Variants in DGKB observed in about 807,000 individuals in gnomAD.
DGKB encodes 90 kDa diacylglycerol kinase.
In DGKB, 67 loss-of-function variants were observed where a neutral mutation model predicts 114.3. That is an observed-to-expected ratio of 0.59 (90% CI 0.48 to 0.72). DGKB has a LOEUF of 0.72. Among genes scored for constraint, DGKB ranks in the 30% least tolerant of loss-of-function variants. The pLI is 0.00. For missense variants in DGKB, 907 were observed against 975.2 expected (o/e 0.93, Z 0.93); for synonymous variants, 398 against 323.1 (o/e 1.23, Z -2.49).
chr7:14,332,691 C>T (rs1809942979), intron 23 of DGKB, among the ~76,000 whole-genome samples: 1 of 152,064 alleles, frequency 6.6e-6, no homozygotes, highest in Non-Finnish European at 1.5e-5. Flanking sequence ...AAATATAAAA[C>T]CATTAAACTT....
intron 1 of DGKB, among the ~76,000 whole-genome samples, chr7:14,941,421 GAT>G (rs1272520772): frequency 6.6e-6 from 1 of 151,986 alleles, no homozygotes; most frequent in Non-Finnish European, 1.5e-5. Context: ...ATAGGAAGAA[GAT>G]ATGTTTTTCA....
chr7:14,478,332 A>G, intron 20 of DGKB, 107 bp from the exon 21 acceptor site: 1 of 682,398 alleles, frequency 1.5e-6, no homozygotes, highest in Non-Finnish European at 2.3e-6. Flanking sequence ...ACTTTTATTT[A>G]CAATATTATT....
At chr7:14,220,057 T>C (rs1050389610) in intron 23 of DGKB, among the ~76,000 whole-genome samples, 24 of 151,756 alleles carry the variant, frequency 1.6e-4, no homozygotes, top group African/African-American at 5.5e-4. Flanking sequence ...ATAGATGATA[T>C]AGTCTACTAC....
At chr7:14,346,883 C>A (rs1812565180) in intron 21 of DGKB, among the ~76,000 whole-genome samples, 1 of 151,900 alleles carries the variant, frequency 6.6e-6, no homozygotes, top group African/African-American at 2.4e-5. Context: ...TGAAGACATT[C>A]TTAATGAATA....
intron 23 of DGKB, among the ~76,000 whole-genome samples, chr7:14,217,544 G>T (rs1018330137): frequency 6.6e-6 from 1 of 151,736 alleles, no homozygotes; most frequent in African/African-American, 2.4e-5. Flanking sequence ...TTTGAAATGA[G>T]TAATTATACC....
chr7:14,156,444 G>A (rs144840037), intron 25 of DGKB, among the ~76,000 whole-genome samples: 6 of 152,050 alleles, frequency 3.9e-5, no homozygotes, highest in Admixed American at 2.6e-4. Context: ...GGCAGTTTTG[G>A]GCTATATGTA....
At chr7:14,480,687 A>G (rs1782853444) in intron 20 of DGKB, among the ~76,000 whole-genome samples, 1 of 152,164 alleles carries the variant, frequency 6.6e-6, no homozygotes, top group Non-Finnish European at 1.5e-5. Flanking sequence ...CCTAGAAGGC[A>G]CAAACTCTGA....
At chr7:14,532,756 C>T (rs1791809050) in intron 20 of DGKB, among the ~76,000 whole-genome samples, 1 of 151,548 alleles carries the variant, frequency 6.6e-6, no homozygotes, top group South Asian at 2.1e-4. Flanking sequence ...GACATGGAGT[C>T]CTAAACATTA....
At chr7:14,839,146 T>C (rs917383369) in intron 2 of DGKB, among the ~76,000 whole-genome samples, 14 of 152,074 alleles carry the variant, frequency 9.2e-5, no homozygotes, top group African/African-American at 3.4e-4. Context: ...CTTTAAACTA[T>C]AAATTCCTTG....
In DGKB at chr7:14,665,145, T is replaced by C. The variant is rs369078723; in HGVS notation, c.1134+7784A>G. ...AATTTATCAATATAAAATATTGATA[T>C]TGATATGAAAAAAAGGCTAGGTAAT... On this transcript the variant is annotated intron_variant, in intron 13 of 25. Coordinates refer to ENST00000402815, the MANE Select transcript of DGKB (RefSeq NM_001350709.2). Among the ~76,000 whole-genome samples, 24 of 152,058 alleles carry C rather than the reference T, an allele frequency of 1.6e-4. 1 individual carries two copies. Among genetic ancestry groups the C allele is most frequent in the Middle Eastern group, 6.8e-3 (2 of 294 alleles).
At chr7:14,639,265 T>C (rs1811304020) in intron 13 of DGKB, among the ~76,000 whole-genome samples, 1 of 152,054 alleles carries the variant, frequency 6.6e-6, no homozygotes, top group Non-Finnish European at 1.5e-5. Flanking sequence ...GACTAGGGAT[T>C]TAGTAATATT....
Position 14,554,154 on chromosome 7 carries a change from G to A in DGKB, c.1770+20058C>T, listed in dbSNP as rs139607164. Among the ~76,000 whole-genome samples the A allele has an allele frequency of 7.2e-3, 1,102 of 152,136 alleles. 10 individuals carry two copies. Among genetic ancestry groups the A allele is most frequent in the African/African-American group, 0.023 (960 of 41,482 alleles). On this transcript the variant is annotated intron_variant, in intron 20 of 25. Transcript: ENST00000402815. The stretch of plus-strand genomic sequence containing the variant: ...CCCAAAGTGCTGGGATTACAGGTGT[G>A]AGCCACCACACCCGGCCTTCCTTTA...
chr7:14,283,635 A>T (rs917154061), intron 23 of DGKB, among the ~76,000 whole-genome samples: 1 of 150,838 alleles, frequency 6.6e-6, no homozygotes, highest in African/African-American at 2.5e-5. Context: ...TACAGTAACC[A>T]AAACAGCATG....
intron 23 of DGKB, among the ~76,000 whole-genome samples, chr7:14,323,557 T>A (rs912370533): frequency 1.3e-5 from 2 of 152,178 alleles, no homozygotes; most frequent in African/African-American, 4.8e-5. Flanking sequence ...AATGACCTGT[T>A]TTCAGTGACC....
chr7:14,227,837 CTCTTT>C (rs1474008594), intron 23 of DGKB, among the ~76,000 whole-genome samples: 2 of 152,020 alleles, frequency 1.3e-5, no homozygotes, highest in African/African-American at 4.8e-5. Flanking sequence ...TTTATCTATT[CTCTTT>C]TATCTCTTGC....
At chr7:14,359,601 A>AACTT (rs201071947) in intron 21 of DGKB, among the ~76,000 whole-genome samples, 3,220 of 152,294 alleles carry the variant, frequency 0.021, 106 homozygotes, top group African/African-American at 0.074. Flanking sequence ...ATCTACAAAG[A>AACTT]ACTTAAAGAA....
intron 21 of DGKB, among the ~76,000 whole-genome samples, chr7:14,466,281 A>C (rs1780461730): frequency 6.6e-6 from 1 of 152,186 alleles, no homozygotes; most frequent in Non-Finnish European, 1.5e-5. Context: ...CATTAAGGCC[A>C]GGTGTGGTGG....
intron 1 of DGKB, among the ~76,000 whole-genome samples, chr7:14,911,329 A>C (rs73287025): frequency 0.011 from 1,721 of 152,100 alleles, 38 homozygotes; most frequent in African/African-American, 0.039. Flanking sequence ...ATTGATCTTA[A>C]GTTATTTCAT....
At chr7:14,514,412 T>C (rs772294260) in intron 20 of DGKB, among the ~76,000 whole-genome samples, 3 of 152,140 alleles carry the variant, frequency 2.0e-5, no homozygotes, top group Admixed American at 1.3e-4. Flanking sequence ...TACTTACAAG[T>C]AGAACTCTAG....
Sources: gnomAD v4.1 joint callset for allele counts (sites outside exome capture counted in the v4.1 genomes callset) on GRCh38, gnomAD v4.1.1 for gene constraint, MANE v1.5 for transcripts, NCBI Gene and HGNC (gene_info 2026-07-23, HGNC 2026-07-21) for gene names.